Variants in GPR158 observed in about 807,000 individuals in gnomAD.
GPR158 encodes G protein-coupled receptor 158.
In GPR158, 30 loss-of-function variants were observed where a neutral mutation model predicts 78.2. The ratio of observed to expected loss-of-function variants is 0.38; its 90% CI spans 0.29 to 0.52. The LOEUF (loss-of-function observed/expected upper bound fraction) is 0.52. Ranked by LOEUF, GPR158 falls within the 20% of genes least tolerant of loss-of-function variation. The pLI, the probability that GPR158 is intolerant of heterozygous loss-of-function variation, is 0.83. For missense variants in GPR158, 1,463 were observed against 1,523.5 expected, an observed-to-expected ratio of 0.96 and a Z score of 0.66; for synonymous variants, 581 against 591.1, an observed-to-expected ratio of 0.98 and a Z score of 0.25.
At chr10:25,403,872 C>A (rs1345640123) in intron 3 of GPR158, among the ~76,000 whole-genome samples, 1 of 151,958 alleles carries the variant, frequency 6.6e-6, no homozygotes, top group Non-Finnish European at 1.5e-5. Context: ...TGAGAGAGCA[C>A]TTTCATCAGT....
chr10:25,208,817 T>A (rs904955257), intron 1 of GPR158, among the ~76,000 whole-genome samples: 1 of 151,624 alleles, frequency 6.6e-6, no homozygotes, highest in African/African-American at 2.4e-5. Context: ...GGAGAGCAGG[T>A]CACTTCCTGT....
chr10:25,387,322 C>T (rs1457126741), intron 2 of GPR158, among the ~76,000 whole-genome samples: 2 of 152,078 alleles, frequency 1.3e-5, no homozygotes, highest in African/African-American at 2.4e-5. Flanking sequence ...AGAAATGAAT[C>T]CCACTTGTTT....
chr10:25,361,371 A>G (rs1855636804), intron 2 of GPR158, among the ~76,000 whole-genome samples: 1 of 151,856 alleles, frequency 6.6e-6, no homozygotes, highest in South Asian at 2.1e-4. Context: ...ACCCCTTGGT[A>G]TTGTATATAG....
intron 2 of GPR158, among the ~76,000 whole-genome samples, chr10:25,263,929 T>C (rs1854004792): frequency 6.6e-6 from 1 of 152,170 alleles, no homozygotes; most frequent in Non-Finnish European, 1.5e-5. Context: ...AGAGTGAGAC[T>C]GTCTTTAAAA....
At chr10:25,542,791 T>C (rs1168568866) in intron 5 of GPR158, among the ~76,000 whole-genome samples, 1 of 124,132 alleles carries the variant, frequency 8.1e-6, no homozygotes, top group Non-Finnish European at 1.6e-5. Context: ...ACCATTGCAC[T>C]CCAGCCTGGC....
intron 5 of GPR158, among the ~76,000 whole-genome samples, chr10:25,503,207 A>C (rs1379838811): frequency 2.9e-5 from 1 of 34,868 alleles, no homozygotes; most frequent in African/African-American, 2.1e-4. Flanking sequence ...CCTCATTGCA[A>C]AAAAAAAAAA....
intron 1 of GPR158, among the ~76,000 whole-genome samples, chr10:25,196,781 G>GA (rs1185904041): frequency 5.3e-5 from 8 of 152,104 alleles, no homozygotes; most frequent in Non-Finnish European, 2.9e-5. Context: ...TTTTGCTTGG[G>GA]AAAAAATGCC....
At chr10:25,271,694 T>C (rs1854121001) in intron 2 of GPR158, among the ~76,000 whole-genome samples, 1 of 152,194 alleles carries the variant, frequency 6.6e-6, no homozygotes, top group African/African-American at 2.4e-5. Flanking sequence ...GGAGTTTCCT[T>C]CTTGTTGGCC....
At chr10:25,359,502 TGTG>T (rs2130531295) in intron 2 of GPR158, among the ~76,000 whole-genome samples, 1 of 152,202 alleles carries the variant, frequency 6.6e-6, no homozygotes, top group Non-Finnish European at 1.5e-5. Flanking sequence ...AGTGAGAATA[TGTG>T]GTGGTGGTTT....
chr10:25,433,881 C>T (rs1031329533), intron 4 of GPR158, among the ~76,000 whole-genome samples: 6 of 151,522 alleles, frequency 4.0e-5, no homozygotes, highest in South Asian at 4.2e-4. Context: ...TTAAATTGGT[C>T]AGGCGCGGTG....
In GPR158 at chr10:25,396,035, G is replaced by GTA. The variant is rs757076266; in HGVS notation, c.1111+30_1111+31dup. On this transcript the variant is annotated intron_variant, in intron 3 of 10. Coordinates refer to ENST00000376351, the MANE Select transcript of GPR158 (RefSeq NM_020752.3). The stretch of plus-strand genomic sequence containing the variant: ...CGGAGTAAGTGCCCTTTGTTTCTAT[G>GTA]TATATATATGTATATACATCATATA... The GTA allele has an allele frequency of 5.1e-5, 49 of 955,248 alleles. No homozygotes were observed. The African/African-American group carries it at 5.7e-4, about 11-fold the overall frequency. The allele number at this position is 955,248 out of a possible 1,614,324, so 59.2% of individuals were successfully genotyped here.
intron 2 of GPR158, among the ~76,000 whole-genome samples, chr10:25,368,803 C>G (rs536904707): frequency 1.4e-5 from 2 of 144,492 alleles, no homozygotes; most frequent in African/African-American, 5.2e-5. Flanking sequence ...TACCCATGAG[C>G]ATGGAATGTT....
At chr10:25,197,052 C>T (rs74123698) in intron 1 of GPR158, among the ~76,000 whole-genome samples, 1 of 152,194 alleles carries the variant, frequency 6.6e-6, no homozygotes. Flanking sequence ...TCAGGTACTT[C>T]TCCTCACTGT....
intron 2 of GPR158, among the ~76,000 whole-genome samples, chr10:25,261,146 A>C (rs1853962362): frequency 6.6e-6 from 1 of 152,162 alleles, no homozygotes; most frequent in Non-Finnish European, 1.5e-5. Flanking sequence ...TTAATAAATT[A>C]GATTATCTGA....
chr10:25,344,960 T>G (rs1325140047), intron 2 of GPR158, among the ~76,000 whole-genome samples: 2 of 151,996 alleles, frequency 1.3e-5, no homozygotes, highest in African/African-American at 4.8e-5. Flanking sequence ...CTGGGATCTC[T>G]TTTATATGGG....
Position 25,273,672 on chromosome 10 carries a change from G to GT in GPR158, c.1008+52523dup, listed in dbSNP as rs113753631. 6.7e-4 allele frequency among the ~76,000 whole-genome samples: 102 copies of GT among 151,376 alleles called. 1 individual carries two copies. Among genetic ancestry groups the GT allele is most frequent in the East Asian group, 3.7e-3 (19 of 5,136 alleles). On this transcript the variant is annotated intron_variant, in intron 2 of 10. Transcript: ENST00000376351. ...CTTCTTTATGCATTGAAGAAAATGG[G>GT]TTTTTTTTCTTTGTTTTATTTTTTT... is the stretch of plus-strand genomic sequence containing the variant.
intron 5 of GPR158, among the ~76,000 whole-genome samples, chr10:25,504,586 C>T (rs903941117): frequency 2.0e-5 from 3 of 152,120 alleles, no homozygotes; most frequent in African/African-American, 7.2e-5. Context: ...CTCTGCTGCC[C>T]GCTGGAGCCC....
intron 1 of GPR158, among the ~76,000 whole-genome samples, chr10:25,177,508 G>T (rs544584491): frequency 6.6e-6 from 1 of 152,300 alleles, no homozygotes; most frequent in Non-Finnish European, 1.5e-5. Flanking sequence ...TCACAGCAAG[G>T]TCAGGATGCT....
chr10:25,421,512 A>AT (rs1404331405), intron 4 of GPR158, among the ~76,000 whole-genome samples: 1 of 151,964 alleles, frequency 6.6e-6, no homozygotes, highest in Non-Finnish European at 1.5e-5. Context: ...TGATTTATAA[A>AT]TTTTTTTTCT....
Sources: allele counts gnomAD v4.1 joint callset (sites outside exome capture counted in the v4.1 genomes callset), GRCh38; gene constraint gnomAD v4.1.1; transcripts MANE v1.5; gene names NCBI Gene and HGNC (gene_info 2026-07-23, HGNC 2026-07-21).